UBXN7: variants seen among roughly 807,000 people sequenced by gnomAD.
The protein encoded by UBXN7 is UBX domain-containing protein 7.
A neutral mutation model predicts 58.0 loss-of-function variants in UBXN7; 9 were observed. The ratio of observed to expected loss-of-function variants is 0.16; its 90% CI spans 0.09 to 0.27. The LOEUF (loss-of-function observed/expected upper bound fraction) is 0.27. Among genes scored for constraint, UBXN7 ranks in the 10% least tolerant of loss-of-function variants. The pLI is 1.00. For synonymous variants in UBXN7, 208 were observed against 205.0 expected, an observed-to-expected ratio of 1.01 and a Z score of -0.12; for missense variants, 328 against 599.6, an observed-to-expected ratio of 0.55 and a Z score of 4.73.
chr3:196,401,276 T>C (rs7639820), intron 3 of UBXN7, among the ~76,000 whole-genome samples: 1 of 21,176 alleles, frequency 4.7e-5, no homozygotes. Flanking sequence ...AAAAAAAAAA[T>C]ATATATATAT....
intron 1 of UBXN7, among the ~76,000 whole-genome samples, chr3:196,417,882 T>C (rs576034074): frequency 1.3e-5 from 2 of 149,368 alleles, no homozygotes; most frequent in Non-Finnish European, 3.0e-5. Context: ...GCTATGATCA[T>C]ACCACTCCAA....
Position 196,385,699 on chromosome 3 carries a change from C to A in UBXN7, c.468+6114G>T, listed in dbSNP as rs538931794. On this transcript the variant is annotated intron_variant, in intron 5 of 10. Transcript: ENST00000296328. The stretch of plus-strand genomic sequence containing the variant: ...GAGCCCCTCTGCCCAGCAGCCGCCC[C>A]GTCTGGGAAGTGAGGAGCCCCTACG... Among the ~76,000 whole-genome samples the A allele has an allele frequency of 3.7e-3, 555 of 151,640 alleles. 5 individuals carry two copies. Among genetic ancestry groups the A allele is most frequent in the African/African-American group, 0.013 (535 of 41,356 alleles).
At chr3:196,371,753 G>T (rs1728838961) in intron 6 of UBXN7, 143 bp downstream of exon 6, 1 of 1,026,996 alleles carries the variant, frequency 9.7e-7, no homozygotes, top group Non-Finnish European at 1.3e-6. Flanking sequence ...AAAGTGCTGG[G>T]ATTATAGGCG....
chr3:196,388,571 T>C (rs185815249), intron 5 of UBXN7, among the ~76,000 whole-genome samples: 1 of 152,136 alleles, frequency 6.6e-6, no homozygotes, highest in East Asian at 1.9e-4. Context: ...AAATATGTAT[T>C]GAGTGAACAA....
chr3:196,401,823 G>GAGAAAAGAGA (rs145395839), intron 3 of UBXN7, among the ~76,000 whole-genome samples: 3 of 120,346 alleles, frequency 2.5e-5, no homozygotes, highest in African/African-American at 9.3e-5. Context: ...GAAAAGAGAA[G>GAGAAAAGAGA]AGAGAAGAGA....
chr3:196,380,862 G>A (rs1729185711), intron 5 of UBXN7, among the ~76,000 whole-genome samples: 1 of 152,246 alleles, frequency 6.6e-6, no homozygotes, highest in African/African-American at 2.4e-5. Flanking sequence ...CCACGCCCAT[G>A]GAGCCTTGCT....
At chr3:196,393,693 A>G (rs1212670242) in intron 3 of UBXN7, 74 bp from the exon 4 acceptor site, 2 of 1,447,210 alleles carry the variant, frequency 1.4e-6, no homozygotes, top group South Asian at 1.2e-5. Flanking sequence ...TCCTTATCTA[A>G]AAGTATTTTT....
chr3:196,367,160 G>C (rs1417438731), intron 8 of UBXN7, among the ~76,000 whole-genome samples: 1 of 149,710 alleles, frequency 6.7e-6, no homozygotes, highest in Non-Finnish European at 1.5e-5. Flanking sequence ...TCTAGCCCTA[G>C]CAACAGAACA....
chr3:196,361,785 A>C, intron 10 of UBXN7, 59 bp downstream of exon 10: 2 of 1,476,564 alleles, frequency 1.4e-6, no homozygotes, highest in Non-Finnish European at 1.9e-6. Flanking sequence ...GAAACCAAAC[A>C]ATTTGGGACT....
intron 3 of UBXN7, among the ~76,000 whole-genome samples, chr3:196,401,654 C>A (rs1247877645): frequency 6.8e-6 from 1 of 147,776 alleles, no homozygotes; most frequent in Middle Eastern, 3.5e-3. Context: ...ATAAGCCAGG[C>A]GTGGTGGCTC....
intron 1 of UBXN7, among the ~76,000 whole-genome samples, chr3:196,426,454 T>C (rs1730851456): frequency 6.6e-6 from 1 of 151,792 alleles, no homozygotes; most frequent in Non-Finnish European, 1.5e-5. Flanking sequence ...TTCCTGAAGT[T>C]TTCTCTTAAC....
At chr3:196,431,765 A>C in intron 1 of UBXN7, 1 of 448,302 alleles carries the variant, frequency 2.2e-6, no homozygotes, top group Non-Finnish European at 4.5e-6. Context: ...GTGAAGTGTA[A>C]AGGCACGGCC....
At chr3:196,363,943 C>T (rs1011451441) in intron 8 of UBXN7, among the ~76,000 whole-genome samples, 14 of 150,538 alleles carry the variant, frequency 9.3e-5, no homozygotes, top group African/African-American at 2.9e-4. Flanking sequence ...AAAATCAAAA[C>T]GAACAAAATC....
intron 5 of UBXN7, among the ~76,000 whole-genome samples, chr3:196,385,444 C>T (rs978046255): frequency 7.9e-5 from 12 of 151,986 alleles, no homozygotes; most frequent in Non-Finnish European, 1.0e-4. Context: ...AAGTGAGGAG[C>T]GCCTCTGCCC....
At chr3:196,396,226 T>A (rs962616110) in intron 3 of UBXN7, among the ~76,000 whole-genome samples, 9 of 150,434 alleles carry the variant, frequency 6.0e-5, no homozygotes, top group African/African-American at 2.2e-4. Flanking sequence ...GTACATGGCC[T>A]CTAGCAGGAA....
chr3:196,407,577 G>A (rs1560238397), intron 1 of UBXN7, among the ~76,000 whole-genome samples, 184 bp from the exon 2 acceptor site: 1 of 152,040 alleles, frequency 6.6e-6, no homozygotes, highest in Admixed American at 6.6e-5. Flanking sequence ...GAAATACAGA[G>A]CTAGAAAAGA....
At chr3:196,387,411 T>G (rs1389646074) in intron 5 of UBXN7, among the ~76,000 whole-genome samples, 1 of 152,086 alleles carries the variant, frequency 6.6e-6, no homozygotes, top group African/African-American at 2.4e-5. Flanking sequence ...CCAATAGCAA[T>G]GGCAACAAAA....
At chr3:196,424,380 CTAATT>C (rs1262300638) in intron 1 of UBXN7, among the ~76,000 whole-genome samples, 3 of 142,842 alleles carry the variant, frequency 2.1e-5, no homozygotes, top group Admixed American at 7.6e-5. Context: ...TTCTCTTTTC[CTAATT>C]TTTTTTTTTT....
chr3:196,362,147 C>A (rs1051331665), intron 9 of UBXN7, 147 bp downstream of exon 9: 8 of 1,160,262 alleles, frequency 6.9e-6, no homozygotes, highest in Non-Finnish European at 9.5e-6. Flanking sequence ...GCACGTGCCA[C>A]CACACCTGGC....
Sources: allele counts gnomAD v4.1 joint callset (sites outside exome capture counted in the v4.1 genomes callset), GRCh38; gene constraint gnomAD v4.1.1; transcripts MANE v1.5; gene names NCBI Gene and HGNC (gene_info 2026-07-23, HGNC 2026-07-21).